The following UQCC5 variants were observed in gnomAD, a reference collection of about 807,000 sequenced individuals.
The protein encoded by UQCC5 is UPF0640 protein C3orf78.
chr3:52,537,057 G>T, the UQCC5 span, among the ~76,000 whole-genome samples: 3 of 152,206 alleles, frequency 2.0e-5, no homozygotes, highest in Admixed American at 2.0e-4. Context: ...CAGTCAGGGC[G>T]GCCTGGCTCT....
chr3:52,536,612 C>T, the UQCC5 span: 2 of 1,456,730 alleles, frequency 1.4e-6, no homozygotes, highest in Non-Finnish European at 1.8e-6. Flanking sequence ...GGCACTCGTG[C>T]GCCTACCAGA....
the UQCC5 span, chr3:52,536,925 G>A: frequency 3.9e-6 from 6 of 1,551,234 alleles, no homozygotes; most frequent in Non-Finnish European, 5.2e-6. Context: ...GGGGGTAGCA[G>A]TCTCTGTTTC....
chr3:52,536,880 A>G, the UQCC5 span: 1 of 1,551,528 alleles, frequency 6.4e-7, no homozygotes, highest in East Asian at 2.4e-5. Flanking sequence ...ATCATGATTA[A>G]AGTGCGCGTG....
chr3:52,538,236 G>A, the UQCC5 span, among the ~76,000 whole-genome samples: 1 of 152,234 alleles, frequency 6.6e-6, no homozygotes, highest in South Asian at 2.1e-4. Context: ...GTGGACTCAG[G>A]AGATGAGGAG....
chr3:52,540,864 T>C, the UQCC5 span: 1 of 163,590 alleles, frequency 6.1e-6, no homozygotes, highest in Non-Finnish European at 1.3e-5. Flanking sequence ...AGAATTCAAA[T>C]TAAATTATGG....
the UQCC5 span, among the ~76,000 whole-genome samples, chr3:52,539,811 G>A: frequency 6.6e-6 from 1 of 152,044 alleles, no homozygotes; most frequent in Admixed American, 6.5e-5. Flanking sequence ...GTTAATTTTT[G>A]TATTTTTAGT....
the UQCC5 span, chr3:52,536,636 C>T: frequency 7.4e-6 from 11 of 1,480,972 alleles, no homozygotes; most frequent in Admixed American, 4.4e-5. Flanking sequence ...TGGCGGAGGA[C>T]GGCGCTCGCT....
At chr3:52,538,268 C>A in the UQCC5 span, among the ~76,000 whole-genome samples, 1 of 152,128 alleles carries the variant, frequency 6.6e-6, no homozygotes, top group Admixed American at 6.6e-5. Context: ...GGTGGGACAC[C>A]TGGGGCAGGG....
chr3:52,540,604 A>G, the UQCC5 span: 1 of 707,466 alleles, frequency 1.4e-6, no homozygotes, highest in Non-Finnish European at 2.2e-6. Flanking sequence ...TCAGCTGCAC[A>G]ATATTCCAAT....
the UQCC5 span, chr3:52,536,751 C>G: frequency 1.3e-6 from 2 of 1,551,764 alleles, no homozygotes; most frequent in South Asian, 2.4e-5. Context: ...CGACCTCGGT[C>G]GAGCATGTTC....
chr3:52,539,091 AAG>A, the UQCC5 span, among the ~76,000 whole-genome samples: 2 of 151,964 alleles, frequency 1.3e-5, no homozygotes, highest in African/African-American at 4.8e-5. Context: ...GTGGGTGAAA[AAG>A]AGTCAGGATG....
At chr3:52,536,905 C>T in the UQCC5 span, 1 of 1,551,578 alleles carries the variant, frequency 6.4e-7, no homozygotes, top group Non-Finnish European at 8.7e-7. Context: ...AGGAGACCTT[C>T]TGTAAGTGAG....
chr3:52,537,668 A>G, the UQCC5 span, among the ~76,000 whole-genome samples: 2 of 152,202 alleles, frequency 1.3e-5, no homozygotes, highest in Non-Finnish European at 2.9e-5. Context: ...CCCTTACCCC[A>G]GAAGAGCTCT....
chr3:52,536,605 A>G, the UQCC5 span: 2 of 1,446,880 alleles, frequency 1.4e-6, no homozygotes, highest in Non-Finnish European at 1.8e-6. Context: ...CAGTTCCGGC[A>G]CTCGTGCGCC....
chr3:52,539,831 G>T, the UQCC5 span, among the ~76,000 whole-genome samples: 1 of 152,202 alleles, frequency 6.6e-6, no homozygotes, highest in East Asian at 1.9e-4. Context: ...TAGTGACGGG[G>T]TTTCACCATA....
the UQCC5 span, chr3:52,536,741 C>T: frequency 6.4e-7 from 1 of 1,551,750 alleles, no homozygotes; most frequent in South Asian, 1.2e-5. Flanking sequence ...TCCCTCTCCA[C>T]GACCTCGGTC....
At chr3:52,536,775 T>TTCTC in the UQCC5 span, 1 of 1,551,738 alleles carries the variant, frequency 6.4e-7, no homozygotes, top group Non-Finnish European at 8.7e-7. Context: ...AGGGCCCAGG[T>TTCTC]GAGACGGATT....
chr3:52,540,775 T>A, the UQCC5 span: 1 of 268,526 alleles, frequency 3.7e-6, no homozygotes, highest in Non-Finnish European at 6.9e-6. Context: ...TCAATCAGGA[T>A]GCTTTTCAGT....
At chr3:52,540,574 C>T in the UQCC5 span, 1 of 940,700 alleles carries the variant, frequency 1.1e-6, no homozygotes, top group Non-Finnish European at 1.6e-6. Flanking sequence ...ATCTCTTGTT[C>T]TGACACAGCT....
Sources: allele counts gnomAD v4.1 joint callset (sites outside exome capture counted in the v4.1 genomes callset), GRCh38; gene constraint gnomAD v4.1.1; transcripts MANE v1.5; gene names NCBI Gene and HGNC (gene_info 2026-07-23, HGNC 2026-07-21).